Variants in NVL observed in about 807,000 individuals in gnomAD.
NVL encodes the protein nuclear valosin-containing protein-like.
A neutral mutation model predicts 110.2 loss-of-function variants in NVL; 84 were observed. That is an observed-to-expected ratio of 0.76 (90% CI 0.64 to 0.91). NVL has a LOEUF of 0.91. Ranked by LOEUF, NVL falls within the 40% of genes least tolerant of loss-of-function variation. The pLI is 0.00. For synonymous variants in NVL, 354 were observed against 361.1 expected, an observed-to-expected ratio of 0.98 and a Z score of 0.22; for missense variants, 882 against 1,035.9, an observed-to-expected ratio of 0.85 and a Z score of 2.04.
At chr1:224,250,999 C>G (rs962650211) in intron 18 of NVL, among the ~76,000 whole-genome samples, 1 of 151,642 alleles carries the variant, frequency 6.6e-6, no homozygotes, top group African/African-American at 2.4e-5. Flanking sequence ...AACGGCTGGG[C>G]GCGGGGGCTC....
intron 18 of NVL, among the ~76,000 whole-genome samples, chr1:224,258,979 T>TA (rs34767555): frequency 1.4e-3 from 83 of 60,192 alleles, no homozygotes; most frequent in South Asian, 3.2e-3. Context: ...GTCTCTACAT[T>TA]AAAAAAAAAA....
At chr1:224,229,738 G>A (rs535872861) in intron 22 of NVL, among the ~76,000 whole-genome samples, 12 of 152,266 alleles carry the variant, frequency 7.9e-5, no homozygotes, top group Admixed American at 5.9e-4. Flanking sequence ...GTGAGCCACC[G>A]CGTCTGGCAA....
intron 17 of NVL, among the ~76,000 whole-genome samples, chr1:224,272,554 C>T (rs530046532): frequency 1.3e-5 from 2 of 150,398 alleles, no homozygotes; most frequent in East Asian, 2.0e-4. Flanking sequence ...CCCGTCTCTA[C>T]TAAAAATACA....
chr1:224,278,846 C>G lies in NVL; in HGVS notation c.1962+2277G>C, dbSNP rs114066857. ...CTCTCAGGCTCACGTGATCCTCCCACCTCAGCCTCCCAAGGAGATGGGACT... is the reference window on the plus strand; with the variant it reads ...CTCTCAGGCTCACGTGATCCTCCCAGCTCAGCCTCCCAAGGAGATGGGACT... On this transcript the variant is annotated intron_variant, in intron 16 of 22. Coordinates refer to ENST00000281701, the MANE Select transcript of NVL (RefSeq NM_002533.4). Among the ~76,000 whole-genome samples, 933 of 152,176 alleles carry G rather than the reference C, an allele frequency of 6.1e-3. 7 individuals are homozygous for G. Among genetic ancestry groups the G allele is most frequent in the Non-Finnish European group, 0.01 (703 of 68,014 alleles).
At chr1:224,296,786 T>A (rs558769086) in intron 10 of NVL, among the ~76,000 whole-genome samples, 168 bp from the exon 11 acceptor site, 1 of 152,316 alleles carries the variant, frequency 6.6e-6, no homozygotes, top group South Asian at 2.1e-4. Context: ...TTTACCTGAC[T>A]TAAGAGAACC....
chr1:224,313,959 C>T (rs2102750339), intron 4 of NVL, among the ~76,000 whole-genome samples: 1 of 152,176 alleles, frequency 6.6e-6, no homozygotes, highest in South Asian at 2.1e-4. Context: ...GTCGAGATCG[C>T]ACCACTGGAC....
intron 18 of NVL, among the ~76,000 whole-genome samples, chr1:224,264,204 A>C (rs1558274372): frequency 6.6e-6 from 1 of 151,940 alleles, no homozygotes; most frequent in Admixed American, 6.6e-5. Context: ...GCCCATCCCA[A>C]ATTCCTGACC....
chr1:224,232,189 A>G (rs1237128305), intron 21 of NVL: 1 of 151,354 alleles, frequency 6.6e-6, no homozygotes. Flanking sequence ...TCTACTAAAA[A>G]TACAAAAAAA....
chr1:224,279,404 C>T (rs1051784907), intron 16 of NVL, among the ~76,000 whole-genome samples: 6 of 152,138 alleles, frequency 3.9e-5, no homozygotes, highest in Non-Finnish European at 7.4e-5. Context: ...AAAACCTCTA[C>T]TTCCAGAGAC....
At chr1:224,237,277 C>A (rs889353089) in intron 19 of NVL, among the ~76,000 whole-genome samples, 1 of 152,132 alleles carries the variant, frequency 6.6e-6, no homozygotes, top group Admixed American at 6.5e-5. Context: ...AATACTGAAC[C>A]TGGCCAGGAG....
At chr1:224,280,973 G>T in intron 16 of NVL, 150 bp downstream of exon 16, 1 of 681,788 alleles carries the variant, frequency 1.5e-6, no homozygotes, top group East Asian at 2.7e-5. Context: ...TGGCAGAGCA[G>T]AGCAAAGCTC....
intron 19 of NVL, among the ~76,000 whole-genome samples, chr1:224,246,907 G>A (rs1661890537): frequency 6.6e-6 from 1 of 151,914 alleles, no homozygotes; most frequent in Non-Finnish European, 1.5e-5. Flanking sequence ...AGAGTGTGGT[G>A]GCACGCACCT....
chr1:224,315,442 C>T (rs950398592), intron 4 of NVL, among the ~76,000 whole-genome samples: 5 of 152,058 alleles, frequency 3.3e-5, no homozygotes, highest in Non-Finnish European at 5.9e-5. Flanking sequence ...AAATGCAATA[C>T]CTATTCATGA....
At position 224,294,255 on chromosome 1, in the gene NVL, A is replaced by C; in HGVS notation, c.1325+12T>G. On this transcript the variant is annotated intron_variant, in intron 12 of 22. Transcript: ENST00000281701. ...CTTAGTGGCATACAAACTTCATTCT[A>C]TAAGAATATACCTTTCCCTGGATGC... 2 of 1,613,986 alleles carry C rather than the reference A, an allele frequency of 1.2e-6. No individual in the cohort carries two copies. The highest frequency in any genetic ancestry group is 1.7e-6 in the Non-Finnish European group (2 of 1,179,986).
chr1:224,303,936 G>A, intron 8 of NVL, 79 bp from the exon 9 acceptor site: 1 of 1,451,714 alleles, frequency 6.9e-7, no homozygotes, highest in Non-Finnish European at 9.2e-7. Context: ...TTTCGGAGCA[G>A]TGAAATGGAG....
Position 224,266,849 on chromosome 1 carries a change from T to C in NVL, c.2182+1185A>G, listed in dbSNP as rs138394837. Among the ~76,000 whole-genome samples the C allele has an allele frequency of 3.5e-4, 53 of 152,320 alleles. No homozygotes were observed. In the East Asian group the frequency reaches 9.8e-3, roughly 28 times the overall value. On this transcript the variant is annotated intron_variant, in intron 18 of 22. Transcript: ENST00000281701. ...TGCTGTTTAACACCACTGTGGCAGA[T>C]ACATTACCAACATCATTTAACTTTT... is the stretch of plus-strand genomic sequence containing the variant.
chr1:224,241,154 C>A (rs1661154638), intron 19 of NVL, among the ~76,000 whole-genome samples: 2 of 152,128 alleles, frequency 1.3e-5, no homozygotes, highest in Non-Finnish European at 2.9e-5. Flanking sequence ...GTTTCATTAG[C>A]AACATTACTT....
intron 18 of NVL, among the ~76,000 whole-genome samples, chr1:224,253,742 AAAAAAAG>A (rs1268057690): frequency 9.9e-5 from 15 of 151,160 alleles, no homozygotes; most frequent in Non-Finnish European, 1.9e-4. Flanking sequence ...AAAAAAAAAA[AAAAAAAG>A]AAAAGAAAAA....
chr1:224,260,227 A>G (rs1399869664), intron 18 of NVL, among the ~76,000 whole-genome samples: 3 of 152,206 alleles, frequency 2.0e-5, no homozygotes, highest in Non-Finnish European at 4.4e-5. Context: ...GTACAATGAA[A>G]TAAATACCTT....
Sources: allele counts gnomAD v4.1 joint callset (sites outside exome capture counted in the v4.1 genomes callset), GRCh38; gene constraint gnomAD v4.1.1; transcripts MANE v1.5; gene names NCBI Gene and HGNC (gene_info 2026-07-23, HGNC 2026-07-21).